Variants in CNTN5 observed in about 807,000 individuals in gnomAD.
CNTN5 encodes contactin 5, also known as contactin-5.
In CNTN5, 77 loss-of-function variants were observed where a neutral mutation model predicts 129.1. The ratio of observed to expected loss-of-function variants is 0.60; its 90% confidence interval spans 0.50 to 0.72. The LOEUF is 0.72. Ranked by LOEUF, CNTN5 falls within the 30% of genes least tolerant of loss-of-function variation. The probability of loss-of-function intolerance (pLI) is 0.00; values close to 1 mark genes in which losing one functional copy is unlikely to be tolerated. For synonymous variants in CNTN5, 509 were observed against 465.6 expected, an observed-to-expected ratio of 1.09 and a Z score of -1.20; for missense variants, 1,478 against 1,328.8, an observed-to-expected ratio of 1.11 and a Z score of -1.75.
At chr11:99,908,527 C>T (rs1949571043) in intron 6 of CNTN5, among the ~76,000 whole-genome samples, 1 of 151,856 alleles carries the variant, frequency 6.6e-6, no homozygotes, top group Non-Finnish European at 1.5e-5. Flanking sequence ...AAAAAATGAA[C>T]TTAGAAGTAA....
chr11:99,369,193 T>G, intron 2 of CNTN5, among the ~76,000 whole-genome samples: 1 of 123,902 alleles, frequency 8.1e-6, no homozygotes, highest in Non-Finnish European at 1.6e-5. Context: ...ATATATAATA[T>G]AACATATAAT....
intron 3 of CNTN5, among the ~76,000 whole-genome samples, chr11:99,748,146 T>C (rs1176477368): frequency 6.6e-6 from 1 of 152,118 alleles, no homozygotes; most frequent in African/African-American, 2.4e-5. Flanking sequence ...CATCTGAATT[T>C]TTCAGGGATA....
chr11:99,472,034 T>C (rs985456525), intron 2 of CNTN5, among the ~76,000 whole-genome samples: 1 of 152,078 alleles, frequency 6.6e-6, no homozygotes, highest in Non-Finnish European at 1.5e-5. Flanking sequence ...AAAATAGTAG[T>C]ATATAGGTAA....
In CNTN5 at chr11:100,358,113, T is replaced by A. The variant is rs530210325; in HGVS notation, c.*1893T>A. On this transcript the variant is annotated 3_prime_UTR_variant, in exon 25 of 25. Coordinates refer to ENST00000524871, the MANE Select transcript of CNTN5 (RefSeq NM_014361.4). The stretch of plus-strand genomic sequence containing the variant: ...AAGTATAGTTTACCTTTATGAATTG[T>A]GCATCTGAATAAAAGACAGAAAGAA... The A allele has an allele frequency of 6.6e-6, 1 of 152,000 alleles. No individual in the cohort carries two copies. The highest frequency in any genetic ancestry group is 1.9e-4 in the East Asian group (1 of 5,162). The allele number at this position is 152,000 out of a possible 1,614,324, so 9.4% of individuals were successfully genotyped here. A position where few individuals can be genotyped will look rare whatever the true frequency, so the allele number is the denominator to read the frequency against.
At chr11:99,641,615 A>G (rs576820296) in intron 3 of CNTN5, among the ~76,000 whole-genome samples, 2 of 152,296 alleles carry the variant, frequency 1.3e-5, no homozygotes, top group African/African-American at 2.4e-5. Context: ...AATCTGGCCT[A>G]TGAAAGAGAT....
intron 1 of CNTN5, among the ~76,000 whole-genome samples, chr11:99,265,564 A>C (rs965417691): frequency 6.6e-6 from 1 of 152,070 alleles, no homozygotes; most frequent in African/African-American, 2.4e-5. Context: ...AGGTAGAAAT[A>C]TTTGATGTCT....
chr11:99,392,463 G>A lies in CNTN5; in HGVS notation c.-71+66979G>A, dbSNP rs182137432. ...TAACAATTCTGGTTTTCCTGCTGGA[G>A]TATCTCCAGTATTGACAGATAAGGC... On this transcript the variant is annotated intron_variant, in intron 2 of 24. Transcript: ENST00000524871. Among the ~76,000 whole-genome samples, 326 of 151,918 alleles carry A rather than the reference G, an allele frequency of 2.1e-3. 1 individual carries two copies. Among genetic ancestry groups the A allele is most frequent in the African/African-American group, 7.8e-3 (322 of 41,544 alleles).
chr11:99,740,093 AAAT>A (rs1943841746), intron 3 of CNTN5, among the ~76,000 whole-genome samples: 1 of 152,210 alleles, frequency 6.6e-6, no homozygotes, highest in African/African-American at 2.4e-5. Context: ...GTTCAGATTT[AAAT>A]AATCTTGAGG....
rs547546163 is a variant in CNTN5, at chr11:99,988,052, C to T, written c.878-13982C>T. ...TGATGAAGCTATGATAATCAGCATTCCCCCTCTGAAAACATTTCTCCTTTG... is the reference window on the plus strand; with the variant it reads ...TGATGAAGCTATGATAATCAGCATTTCCCCTCTGAAAACATTTCTCCTTTG... On this transcript the variant is annotated intron_variant, in intron 8 of 24. Transcript: ENST00000524871. Among the ~76,000 whole-genome samples the T allele has an allele frequency of 5.0e-3, 763 of 152,288 alleles. 8 individuals are homozygous for T. Among genetic ancestry groups the T allele is most frequent in the Non-Finnish European group, 8.6e-3 (588 of 68,010 alleles).
intron 15 of CNTN5, among the ~76,000 whole-genome samples, chr11:100,205,724 T>A (rs1948899476): frequency 6.6e-6 from 1 of 151,178 alleles, no homozygotes; most frequent in Admixed American, 6.6e-5. Flanking sequence ...TACCTAGCAT[T>A]TATATTATAT....
intron 3 of CNTN5, among the ~76,000 whole-genome samples, chr11:99,763,551 C>G (rs1017629812): frequency 6.6e-6 from 1 of 151,992 alleles, no homozygotes; most frequent in Non-Finnish European, 1.5e-5. Flanking sequence ...ACAACAAAGC[C>G]TTTTCTATTC....
chr11:99,962,147 TA>T (rs1950964019), intron 8 of CNTN5, among the ~76,000 whole-genome samples: 1 of 152,160 alleles, frequency 6.6e-6, no homozygotes, highest in African/African-American at 2.4e-5. Flanking sequence ...AGAATGGAAT[TA>T]TTTTTATTCA....
At chr11:99,323,915 G>T (rs948735743) in intron 1 of CNTN5, among the ~76,000 whole-genome samples, 1 of 152,046 alleles carries the variant, frequency 6.6e-6, no homozygotes, top group Non-Finnish European at 1.5e-5. Flanking sequence ...GAGGGAAGGA[G>T]GAAGAAACAG....
chr11:99,625,239 T>G (rs1029023620), intron 3 of CNTN5, among the ~76,000 whole-genome samples: 4 of 152,200 alleles, frequency 2.6e-5, no homozygotes, highest in African/African-American at 9.6e-5. Context: ...TTCTACTGAA[T>G]GATGAGAATT....
chr11:99,500,174 G>C (rs1371064284), intron 2 of CNTN5, among the ~76,000 whole-genome samples: 2 of 152,152 alleles, frequency 1.3e-5, no homozygotes, highest in Non-Finnish European at 2.9e-5. Context: ...TGGCGCAAAA[G>C]TAATTGTGAT....
chr11:99,627,072 G>A (rs1014157720), intron 3 of CNTN5, among the ~76,000 whole-genome samples: 4 of 152,098 alleles, frequency 2.6e-5, no homozygotes, highest in Non-Finnish European at 5.9e-5. Context: ...GAAGTGGAGA[G>A]GTTAGTTGCA....
intron 21 of CNTN5, among the ~76,000 whole-genome samples, chr11:100,332,046 G>T (rs532050635): frequency 2.6e-5 from 4 of 152,160 alleles, no homozygotes; most frequent in Non-Finnish European, 4.4e-5. Flanking sequence ...GAAACAAAAT[G>T]CTGGTTCTTT....
chr11:99,901,139 AGT>A lies in CNTN5; in HGVS notation c.578-14909_578-14908del, dbSNP rs1177985510. On this transcript the variant is annotated intron_variant, in intron 6 of 24. Coordinates refer to ENST00000524871, the MANE Select transcript of CNTN5 (RefSeq NM_014361.4). ...ACACATATATAAATATTCATTGTAT[AGT>A]GTGTGGCAGGTAGTGAGTATTCAGT... 9.2e-5 allele frequency among the ~76,000 whole-genome samples: 14 copies of A among 152,328 alleles called. No individual in the cohort carries two copies. In the East Asian group the frequency reaches 2.7e-3, roughly 29 times the overall value.
At chr11:99,891,221 A>T (rs1949049781) in intron 6 of CNTN5, among the ~76,000 whole-genome samples, 1 of 152,172 alleles carries the variant, frequency 6.6e-6, no homozygotes, top group Admixed American at 6.6e-5. Flanking sequence ...GGGAATCTGG[A>T]TGTGGGTATA....
Sources: allele counts gnomAD v4.1 joint callset (sites outside exome capture counted in the v4.1 genomes callset), GRCh38; gene constraint gnomAD v4.1.1; transcripts MANE v1.5; gene names NCBI Gene and HGNC (gene_info 2026-07-23, HGNC 2026-07-21).